The following LPIN2 variants were observed in gnomAD, a reference collection of about 807,000 sequenced individuals.
LPIN2 encodes the protein lipin 2, also known as phosphatidate phosphatase LPIN2.
In LPIN2, 55 loss-of-function variants were observed where a neutral mutation model predicts 111.4. The ratio of observed to expected loss-of-function variants is 0.49; its 90% CI spans 0.40 to 0.62. LPIN2 has a LOEUF of 0.62. Ranked by LOEUF, LPIN2 falls within the 20% of genes least tolerant of loss-of-function variation. The pLI is 0.00. For synonymous variants in LPIN2, 425 were observed against 414.0 expected, an observed-to-expected ratio of 1.03 and a Z score of -0.32; for missense variants, 992 against 1,112.1, an observed-to-expected ratio of 0.89 and a Z score of 1.54.
chr18:2,991,104 A>G (rs917765041), intron 1 of LPIN2: 12 of 496,264 alleles, frequency 2.4e-5, no homozygotes, highest in East Asian at 1.4e-4. Flanking sequence ...AGGCCTCCCT[A>G]TATCAGTTTT....
At chr18:2,986,415 G>T (rs993943747) in intron 1 of LPIN2, among the ~76,000 whole-genome samples, 9 of 151,836 alleles carry the variant, frequency 5.9e-5, no homozygotes, top group Non-Finnish European at 1.2e-4. Context: ...GAAAAAACAA[G>T]GGAGGGTCTC....
intron 1 of LPIN2, among the ~76,000 whole-genome samples, chr18:3,000,941 G>A (rs1182793659): frequency 2.2e-5 from 3 of 138,030 alleles, no homozygotes; most frequent in African/African-American, 7.9e-5. Flanking sequence ...AAAATGGGTA[G>A]GGGGGAAAGG....
intron 9 of LPIN2, among the ~76,000 whole-genome samples, chr18:2,929,939 T>C (rs2077189806): frequency 6.6e-6 from 1 of 152,044 alleles, no homozygotes; most frequent in South Asian, 2.1e-4. Context: ...AAAAATTACA[T>C]GTTACAATTG....
rs889151496 is a variant in LPIN2, at chr18:2,918,234, C to G, written c.*2059G>C. 6.6e-6 allele frequency: 1 copy of G among 152,188 alleles called. No homozygotes were observed. Among genetic ancestry groups the G allele is most frequent in the African/African-American group, 2.4e-5 (1 of 41,444 alleles). 9.4% of individuals were successfully genotyped at this position (152,188 alleles called of 1,614,324 possible). A position where few individuals can be genotyped will look rare whatever the true frequency, so the allele number is the denominator to read the frequency against. On this transcript the variant is annotated 3_prime_UTR_variant, in exon 20 of 20. Coordinates refer to ENST00000677752, the MANE Select transcript of LPIN2 (RefSeq NM_001375808.2). ...AGAGCCGGGTCCTAGACTGAACCCT[C>G]TAAGAAGGCCCATGTGTCCAAAGAG...
At chr18:2,981,419 C>T (rs28488921) in intron 1 of LPIN2, among the ~76,000 whole-genome samples, 4,962 of 152,224 alleles carry the variant, frequency 0.033, 152 homozygotes, top group East Asian at 0.076. Context: ...AAAATGGGAC[C>T]GTTAATAAAA....
At chr18:2,926,929 A>G (rs1030855875) in intron 12 of LPIN2, 124 bp from the exon 13 acceptor site, 84 of 758,382 alleles carry the variant, frequency 1.1e-4, no homozygotes, top group Non-Finnish European at 1.8e-4. Flanking sequence ...AAAATGCTCA[A>G]AAACCAGACT....
chr18:2,924,322 C>T, intron 15 of LPIN2, 76 bp downstream of exon 15: 3 of 1,572,160 alleles, frequency 1.9e-6, no homozygotes, highest in Non-Finnish European at 2.6e-6. Context: ...AGGTGAGGAA[C>T]TCCCCACCAC....
At chr18:3,000,429 A>T (rs1265327055) in intron 1 of LPIN2, among the ~76,000 whole-genome samples, 1 of 152,236 alleles carries the variant, frequency 6.6e-6, no homozygotes, top group African/African-American at 2.4e-5. Flanking sequence ...AAACACCTGC[A>T]CTGTTGTGGG....
At chr18:2,968,151 G>A (rs750875710) in intron 1 of LPIN2, among the ~76,000 whole-genome samples, 7 of 152,180 alleles carry the variant, frequency 4.6e-5, no homozygotes, top group East Asian at 3.9e-4. Context: ...TTTCTAGGAC[G>A]ATTTAGTCCC....
intron 3 of LPIN2, among the ~76,000 whole-genome samples, chr18:2,953,529 G>A (rs867135485): frequency 6.6e-6 from 1 of 152,186 alleles, no homozygotes; most frequent in Non-Finnish European, 1.5e-5. Context: ...ATAAATCATA[G>A]TGTTTCAATG....
intron 12 of LPIN2, among the ~76,000 whole-genome samples, chr18:2,927,449 C>T (rs2077150600): frequency 6.6e-6 from 1 of 152,148 alleles, no homozygotes; most frequent in Non-Finnish European, 1.5e-5. Context: ...AAGGTCTTGC[C>T]CCAGCTCCGT....
rs376590072 is a variant in LPIN2 at position 2,923,910 on chromosome 18, C to A, written c.2088-49G>T. On this transcript the variant is annotated intron_variant, in intron 15 of 19. Coordinates refer to ENST00000677752, the MANE Select transcript of LPIN2 (RefSeq NM_001375808.2). ...AAAGCTATCAGGAATCAAACACATA[C>A]AGCGTTTTCCTATTTGGTTGACTAT... is the stretch of plus-strand genomic sequence containing the variant. The A allele has an allele frequency of 1.0e-5, 15 of 1,455,232 alleles. No individual in the cohort carries two copies. The African/African-American group carries it at 2.0e-4, about 19-fold the overall frequency. 90.1% of individuals were successfully genotyped at this position (1,455,232 alleles called of 1,614,324 possible).
intron 17 of LPIN2, 60 bp from the exon 18 acceptor site, chr18:2,921,707 G>A: frequency 8.1e-7 from 1 of 1,240,510 alleles, no homozygotes; most frequent in Non-Finnish European, 1.2e-6. Flanking sequence ...CCCAGTGAGT[G>A]GTCCTAAAAT....
At chr18:2,982,931 C>G (rs1412382620) in intron 1 of LPIN2, 1 of 352,738 alleles carries the variant, frequency 2.8e-6, no homozygotes, top group South Asian at 2.2e-5. Context: ...AATGCATACA[C>G]AAGTTTACCA....
chr18:2,972,411 C>T (rs1250184072), intron 1 of LPIN2: 2 of 152,174 alleles, frequency 1.3e-5, no homozygotes, highest in Non-Finnish European at 2.9e-5. Context: ...TTACAGAAAA[C>T]AAAGTGAAAC....
Position 2,952,802 on chromosome 18 carries a change from G to A in LPIN2, c.289-1446C>T, listed in dbSNP as rs561660891. Reference sequence around the variant, plus strand: ...TTTGTAGGATGAAGATAACCTGAACGCCTACCAGCAAGAAAATGGTTAAAC... The same window carrying A: ...TTTGTAGGATGAAGATAACCTGAACACCTACCAGCAAGAAAATGGTTAAAC... On this transcript the variant is annotated intron_variant, in intron 3 of 19. Transcript: ENST00000677752. Among the ~76,000 whole-genome samples, 6 of 152,220 alleles carry A rather than the reference G, an allele frequency of 3.9e-5. No individual in the cohort carries two copies. In the East Asian group the frequency reaches 7.7e-4, roughly 20 times the overall value.
chr18:2,960,644 C>T lies in LPIN2; in HGVS notation c.192+5G>A. 6.2e-7 allele frequency: 1 copy of T among 1,613,934 alleles called. No homozygotes were observed. The highest frequency in any genetic ancestry group is 8.5e-7 in the Non-Finnish European group (1 of 1,179,940). ...ATGACTTTTCCTCTCCTTGAGGACA[C>T]TCACCACTTTCTCTTTGGATCTCAG... On this transcript the variant is annotated splice_donor_5th_base_variant and intron_variant, in intron 2 of 19. Transcript: ENST00000677752.
rs560001454 is a variant in LPIN2, at chr18:2,980,117, T to G, written c.-9-19268A>C. On this transcript the variant is annotated intron_variant, in intron 1 of 19. Coordinates refer to ENST00000677752, the MANE Select transcript of LPIN2 (RefSeq NM_001375808.2). ...TGGAGAGTGGGAGCTAAAACATGGC[T>G]TGAAAATGGAACTCAGAAAATGTTT... 4.6e-5 allele frequency among the ~76,000 whole-genome samples: 7 copies of G among 152,262 alleles called. No homozygotes were observed. The East Asian group carries it at 1.3e-3, about 29-fold the overall frequency.
rs140032233 is a variant in LPIN2, at chr18:2,958,504, G to C, written c.192+2145C>G. On this transcript the variant is annotated intron_variant, in intron 2 of 19. Coordinates refer to ENST00000677752, the MANE Select transcript of LPIN2 (RefSeq NM_001375808.2). ...AAACTGACTTAAAATAAGACAAATA[G>C]TTAATGCAAATTGCCAGTGTATCTC... is the stretch of plus-strand genomic sequence containing the variant. 1.4e-3 allele frequency among the ~76,000 whole-genome samples: 212 copies of C among 152,202 alleles called. 1 individual carries two copies. Among genetic ancestry groups the C allele is most frequent in the Middle Eastern group, 6.8e-3 (2 of 294 alleles).
Sources: allele counts gnomAD v4.1 joint callset (sites outside exome capture counted in the v4.1 genomes callset), GRCh38; gene constraint gnomAD v4.1.1; transcripts MANE v1.5; gene names NCBI Gene and HGNC (gene_info 2026-07-23, HGNC 2026-07-21).